Variants in BRI3 observed in about 807,000 individuals in gnomAD.
BRI3 encodes the protein membrane protein BRI3.
Under a neutral mutation model 12.8 loss-of-function variants are expected in BRI3, and 6 were observed. The observed-to-expected ratio is 0.47, with a 90% confidence interval of 0.26 to 0.93. BRI3 has a LOEUF of 0.93. Among genes scored for constraint, BRI3 ranks in the 40% least tolerant of loss-of-function variants. The pLI is 0.15. For missense variants in BRI3, 134 were observed against 171.1 expected, an observed-to-expected ratio of 0.78 and a Z score of 1.21; for synonymous variants, 91 against 76.1, an observed-to-expected ratio of 1.20 and a Z score of -1.02.
chr7:98,303,264 G>T (rs1266414711), upstream of BRI3, among the ~76,000 whole-genome samples: 1 of 152,126 alleles, frequency 6.6e-6, no homozygotes, highest in African/African-American at 2.4e-5. Flanking sequence ...CCACACCTGG[G>T]CACCACTCAC....
chr7:98,294,142 G>A (rs1169602128), downstream of BRI3: 7 of 1,609,770 alleles, frequency 4.3e-6, no homozygotes, highest in South Asian at 1.1e-5. Context: ...TTTATGGAGG[G>A]CTTAGAATTG....
intron 1 of BRI3, 21 bp downstream of exon 1, chr7:98,281,958 C>T: frequency 3.1e-6 from 4 of 1,288,632 alleles, no homozygotes; most frequent in Non-Finnish European, 3.9e-6. Context: ...AACCAACTTT[C>T]CCCGCCGGCG....
the BRI3 span, chr7:98,317,345 T>G: frequency 6.2e-7 from 1 of 1,613,950 alleles, no homozygotes; most frequent in Non-Finnish European, 8.5e-7. Flanking sequence ...TTTGGTATCT[T>G]TTTAGAGTTG....
At chr7:98,315,655 G>A in the BRI3 span, 252 of 1,015,220 alleles carry the variant, frequency 2.5e-4, no homozygotes, top group East Asian at 8.3e-3. Context: ...ATATAAGCAT[G>A]ACATGAGCAT....
chr7:98,305,036 TTTTG>T (rs1316178674), upstream of BRI3, among the ~76,000 whole-genome samples: 2 of 117,766 alleles, frequency 1.7e-5, no homozygotes, highest in Non-Finnish European at 3.3e-5. Flanking sequence ...CAGCTAATTT[TTTTG>T]TTTTTTGTTT....
At chr7:98,305,588 T>C (rs1016109245), upstream of BRI3, among the ~76,000 whole-genome samples, 8 of 152,108 alleles carry the variant, frequency 5.3e-5, no homozygotes, top group Admixed American at 2.0e-4. Context: ...CCCTGGCTAA[T>C]TGTTTATTTT....
At chr7:98,291,015 C>T (rs1799923718) in intron 2 of BRI3, 96 bp from the exon 3 acceptor site, 1 of 1,415,154 alleles carries the variant, frequency 7.1e-7, no homozygotes, top group Non-Finnish European at 9.9e-7. Context: ...TGACTCATGG[C>T]CACTGGTTGG....
At chr7:98,294,255 T>C (rs765307405), downstream of BRI3, 38 of 787,878 alleles carry the variant, frequency 4.8e-5, no homozygotes, top group Non-Finnish European at 7.6e-5. Context: ...GGCCTCCTAA[T>C]GTGCTGGGAC....
chr7:98,290,652 C>T (rs1234846088), intron 2 of BRI3, among the ~76,000 whole-genome samples: 1 of 152,276 alleles, frequency 6.6e-6, no homozygotes, highest in Admixed American at 6.5e-5. Context: ...GCATGTGCCA[C>T]CACGCCTGGC....
chr7:98,320,729 GACAC>G, the BRI3 span, among the ~76,000 whole-genome samples: 1 of 152,210 alleles, frequency 6.6e-6, no homozygotes, highest in Admixed American at 6.5e-5. Context: ...TCATCCCTGA[GACAC>G]ATCAGGAGCA....
downstream of BRI3, among the ~76,000 whole-genome samples, chr7:98,295,862 A>C (rs1219904023): frequency 6.6e-6 from 1 of 151,906 alleles, no homozygotes; most frequent in Non-Finnish European, 1.5e-5. Flanking sequence ...AGAAGCACCG[A>C]CTCCTGCCAG....
At chr7:98,293,925 G>T (rs565555378), downstream of BRI3, 172 of 923,946 alleles carry the variant, frequency 1.9e-4, no homozygotes, top group East Asian at 4.0e-3. Flanking sequence ...TTGGTAAAGC[G>T]AGCAGGGGGC....
chr7:98,294,750 A>G (rs1800115289), downstream of BRI3, among the ~76,000 whole-genome samples: 1 of 152,082 alleles, frequency 6.6e-6, no homozygotes, highest in South Asian at 2.1e-4. Context: ...TAAAAATAAA[A>G]CCCCACTGGC....
intron 1 of BRI3, among the ~76,000 whole-genome samples, chr7:98,299,160 C>T (rs1026615636): frequency 1.3e-5 from 2 of 151,984 alleles, no homozygotes; most frequent in Admixed American, 6.6e-5. Flanking sequence ...GGATTACAGG[C>T]GCCTGCCACC....
downstream of BRI3, chr7:98,310,658 A>C: frequency 7.7e-7 from 1 of 1,298,404 alleles, no homozygotes; most frequent in Admixed American, 3.0e-5. Flanking sequence ...CAGATTCCCA[A>C]GGCTGTTTTT....
In BRI3 at chr7:98,290,888, A is replaced by G. The variant is rs145703716; in HGVS notation, c.246-223A>G. 1.1e-4 allele frequency among the ~76,000 whole-genome samples: 17 copies of G among 152,356 alleles called. No individual in the cohort carries two copies. The East Asian group carries it at 3.1e-3, about 28-fold the overall frequency. ...TGTTACATGTAGTGATTAAATAACT[A>G]TGGCCATTCCATGAACGGGTACGTG... On this transcript the variant is annotated intron_variant, in intron 2 of 2. Coordinates refer to ENST00000297290, the MANE Select transcript of BRI3 (RefSeq NM_015379.5).
Position 98,281,809 on chromosome 7 carries a change from C to A in BRI3, c.14C>A (p.Pro5Gln). ...GGCCGGGCCGCCATGGACCACAAGC[C>A]GCTGCTGCAGGAGCGGCCGCCCGCC... Reference protein sequence around the residue: MDHKPLLQERPPAYN... With the variant: MDHKQLLQERPPAYN... The change falls in exon 1 of 3, where the codon CCG (proline) becomes CAG (glutamine). Residue 5 changes from proline to glutamine, a missense_variant. By Grantham distance (76) the Pro-to-Gln change is moderately conservative. Transcript: ENST00000297290. 8.1e-7 allele frequency: 1 copy of A among 1,232,356 alleles called. No individual in the cohort carries two copies. The highest frequency in any genetic ancestry group is 1.0e-6 in the Non-Finnish European group (1 of 984,270). The allele number at this position is 1,232,356 out of a possible 1,614,324, so 76.3% of individuals were successfully genotyped here.
chr7:98,297,881 T>C (rs1159414569), downstream of BRI3, among the ~76,000 whole-genome samples: 12 of 152,136 alleles, frequency 7.9e-5, no homozygotes, highest in Non-Finnish European at 1.6e-4. Context: ...TTATTTAAAA[T>C]GTTGGGAGGG....
chr7:98,303,374 C>G (rs1250926109), upstream of BRI3, among the ~76,000 whole-genome samples: 1 of 152,166 alleles, frequency 6.6e-6, no homozygotes, highest in African/African-American at 2.4e-5. Flanking sequence ...CACCACCCAG[C>G]CTCCTCCCCT....
Sources: gnomAD v4.1 joint callset for allele counts (sites outside exome capture counted in the v4.1 genomes callset) on GRCh38, gnomAD v4.1.1 for gene constraint, MANE v1.5 for transcripts, NCBI Gene and HGNC (gene_info 2026-07-23, HGNC 2026-07-21) for gene names.